Variants in GLT1D1 observed in about 807,000 individuals in gnomAD.
GLT1D1 encodes glycosyltransferase 1 domain containing 1.
GLT1D1 carries 21 observed loss-of-function variants against 28.7 expected under a neutral mutation model. That is an observed-to-expected ratio of 0.73 (90% CI 0.52 to 1.05). GLT1D1 has a LOEUF of 1.05. Ranked by LOEUF, GLT1D1 falls within the 50% of genes least tolerant of loss-of-function variation. The pLI is 0.00. For synonymous variants in GLT1D1, 147 were observed against 124.8 expected, an observed-to-expected ratio of 1.18 and a Z score of -1.19; for missense variants, 343 against 330.6, an observed-to-expected ratio of 1.04 and a Z score of -0.29.
At chr12:128,907,936 T>G (rs970742572) in intron 4 of GLT1D1, among the ~76,000 whole-genome samples, 2 of 152,236 alleles carry the variant, frequency 1.3e-5, no homozygotes, top group African/African-American at 2.4e-5. Context: ...AGTTGTTTAC[T>G]CCATACATTT....
At chr12:128,913,132 C>T (rs145551921) in intron 4 of GLT1D1, among the ~76,000 whole-genome samples, 2 of 152,288 alleles carry the variant, frequency 1.3e-5, no homozygotes, top group East Asian at 3.9e-4. Context: ...AACTCTTCTC[C>T]CTTCATACTC....
chr12:128,871,894 T>C (rs1048953720), intron 1 of GLT1D1, among the ~76,000 whole-genome samples: 1 of 152,186 alleles, frequency 6.6e-6, no homozygotes, highest in Non-Finnish European at 1.5e-5. Flanking sequence ...TATAGTACTG[T>C]CTGGATGATT....
chr12:128,946,508 G>A (rs1032778351), intron 5 of GLT1D1, among the ~76,000 whole-genome samples: 8 of 151,832 alleles, frequency 5.3e-5, no homozygotes, highest in Non-Finnish European at 8.8e-5. Flanking sequence ...CGCTGCGCCC[G>A]GCTAATCTTT....
At chr12:128,927,903 G>T (rs1201589598) in intron 4 of GLT1D1, among the ~76,000 whole-genome samples, 3 of 147,530 alleles carry the variant, frequency 2.0e-5, no homozygotes, top group Non-Finnish European at 4.5e-5. Flanking sequence ...AGGAGGCTGA[G>T]GCAGGAGAAT....
intron 1 of GLT1D1, among the ~76,000 whole-genome samples, chr12:128,868,376 C>T (rs754427346): frequency 9.2e-5 from 14 of 152,076 alleles, no homozygotes; most frequent in Non-Finnish European, 1.6e-4. Flanking sequence ...AGATGGGGCT[C>T]GTCCTCCTCA....
chr12:128,924,908 A>G (rs1413246859), intron 4 of GLT1D1, among the ~76,000 whole-genome samples: 1 of 152,206 alleles, frequency 6.6e-6, no homozygotes, highest in East Asian at 1.9e-4. Context: ...CTTGGGGTAC[A>G]GTGATCTGTT....
chr12:128,925,916 T>C (rs1468448862), intron 4 of GLT1D1, among the ~76,000 whole-genome samples: 1 of 151,710 alleles, frequency 6.6e-6, no homozygotes. Flanking sequence ...AGGGGCGGGG[T>C]GTGGTGGCTC....
chr12:128,864,649 G>C (rs994861369), intron 1 of GLT1D1, among the ~76,000 whole-genome samples: 2 of 152,174 alleles, frequency 1.3e-5, no homozygotes, highest in East Asian at 1.9e-4. Flanking sequence ...AGCCTGATTC[G>C]GGGAGGATGC....
At chr12:128,864,048 C>T in intron 1 of GLT1D1, 1 of 502,966 alleles carries the variant, frequency 2.0e-6, no homozygotes, top group Non-Finnish European at 3.6e-6. Context: ...GGGGGACTTC[C>T]AGGGGCCTGG....
chr12:128,916,634 G>C (rs1425748683), intron 4 of GLT1D1, among the ~76,000 whole-genome samples: 1 of 152,088 alleles, frequency 6.6e-6, no homozygotes. Flanking sequence ...CTTTTTATGT[G>C]CGCGTTGGCC....
chr12:128,911,104 A>G (rs896531250), intron 4 of GLT1D1, among the ~76,000 whole-genome samples: 2 of 152,054 alleles, frequency 1.3e-5, no homozygotes, highest in African/African-American at 2.4e-5. Flanking sequence ...TAATTTTTGT[A>G]TTTTTAGTAG....
At chr12:128,934,920 G>A (rs1874383729) in intron 4 of GLT1D1, among the ~76,000 whole-genome samples, 1 of 151,632 alleles carries the variant, frequency 6.6e-6, no homozygotes, top group Non-Finnish European at 1.5e-5. Context: ...TGGGGTCCAG[G>A]TCAGGGTCCT....
chr12:128,854,261 G>A (rs973903261), intron 1 of GLT1D1, among the ~76,000 whole-genome samples: 9 of 152,214 alleles, frequency 5.9e-5, no homozygotes, highest in Non-Finnish European at 8.8e-5. Context: ...GGGGCCCGGG[G>A]AGGGGCCGCC....
chr12:128,870,730 G>A (rs1593058347), intron 1 of GLT1D1, among the ~76,000 whole-genome samples: 1 of 152,154 alleles, frequency 6.6e-6, no homozygotes, highest in Non-Finnish European at 1.5e-5. Flanking sequence ...GGCGGCACAC[G>A]CATGTAATCT....
intron 1 of GLT1D1, among the ~76,000 whole-genome samples, chr12:128,872,128 A>G (rs1442684674): frequency 1.3e-5 from 2 of 151,774 alleles, no homozygotes; most frequent in Admixed American, 6.6e-5. Context: ...ATTTTTTTGT[A>G]TTTTTAGTAG....
rs148072073 is a variant in GLT1D1 at position 128,957,569 on chromosome 12, T to C, written c.565T>C (p.Leu189=). 6.2e-7 allele frequency: 1 copy of C among 1,613,426 alleles called. No homozygotes were observed. Among genetic ancestry groups the C allele is most frequent in the Non-Finnish European group, 8.5e-7 (1 of 1,179,468 alleles). The change falls in exon 7 of 8, where the codon TTG becomes CTG. Residue 189 remains leucine, a synonymous_variant. Coordinates refer to ENST00000281703, the MANE Select transcript of GLT1D1 (RefSeq NM_144669.3). ...GGCAATGGATTTAGAAGTACCGGTA[T>C]TGGCCAGGAACATCCCCGGGAATGC...
At chr12:128,891,659 G>A (rs1869071175) in intron 3 of GLT1D1, among the ~76,000 whole-genome samples, 1 of 152,026 alleles carries the variant, frequency 6.6e-6, no homozygotes, top group Non-Finnish European at 1.5e-5. Flanking sequence ...AAGTTCTGTC[G>A]GGAGCCTCAG....
intron 5 of GLT1D1, 111 bp downstream of exon 9, chr12:128,945,480 A>T: frequency 1.1e-6 from 1 of 924,002 alleles, no homozygotes; most frequent in Non-Finnish European, 1.8e-6. Context: ...GCAGTTTCCA[A>T]CTGTTTCCTC....
chr12:128,863,223 CGA>C (rs1956422996), intron 1 of GLT1D1, among the ~76,000 whole-genome samples: 1 of 152,072 alleles, frequency 6.6e-6, no homozygotes, highest in African/African-American at 2.4e-5. Flanking sequence ...GATCGAACAC[CGA>C]TAGACTGCTT....
Sources: allele counts gnomAD v4.1 joint callset (sites outside exome capture counted in the v4.1 genomes callset), GRCh38; gene constraint gnomAD v4.1.1; transcripts MANE v1.5; gene names NCBI Gene and HGNC (gene_info 2026-07-23, HGNC 2026-07-21).